The following DSCAM variants were observed in gnomAD, a reference collection of about 807,000 sequenced individuals.
The protein encoded by DSCAM is cell adhesion molecule DSCAM.
DSCAM carries 47 observed loss-of-function variants against 217.7 expected under a neutral mutation model. That is an observed-to-expected ratio of 0.22 (90% CI 0.17 to 0.28). The LOEUF is 0.28. Ranked by LOEUF, DSCAM falls within the 10% of genes least tolerant of loss-of-function variation. DSCAM has a pLI of 1.00. For synonymous variants in DSCAM, 1,056 were observed against 1,015.3 expected (o/e 1.04, Z -0.76); for missense variants, 2,080 against 2,618.3 (o/e 0.79, Z 4.49).
At chr21:40,153,061 A>G (rs1168343322) in intron 16 of DSCAM, among the ~76,000 whole-genome samples, 3 of 152,214 alleles carry the variant, frequency 2.0e-5, no homozygotes, top group Non-Finnish European at 4.4e-5. Flanking sequence ...TCCACTTAAA[A>G]TGTAATCTAT....
intron 1 of DSCAM, among the ~76,000 whole-genome samples, chr21:40,799,769 T>C (rs2091722803): frequency 6.6e-6 from 1 of 152,212 alleles, no homozygotes; most frequent in African/African-American, 2.4e-5. Flanking sequence ...TTAAAGATTC[T>C]TGTGATTACA....
intron 3 of DSCAM, among the ~76,000 whole-genome samples, chr21:40,536,122 A>G (rs966970974): frequency 6.6e-6 from 1 of 152,168 alleles, no homozygotes; most frequent in Non-Finnish European, 1.5e-5. Context: ...CAGCCAGCAA[A>G]TGTGCGAAAA....
intron 16 of DSCAM, among the ~76,000 whole-genome samples, chr21:40,158,849 G>C (rs2090507895): frequency 6.6e-6 from 1 of 152,200 alleles, no homozygotes; most frequent in Admixed American, 6.5e-5. Flanking sequence ...AGAACAGGAA[G>C]AGTTTATTAC....
intron 3 of DSCAM, among the ~76,000 whole-genome samples, chr21:40,610,577 G>C (rs1389362933): frequency 6.6e-6 from 1 of 152,176 alleles, no homozygotes; most frequent in Non-Finnish European, 1.5e-5. Flanking sequence ...CTTCTCCTGT[G>C]TCTGATTCCA....
intron 3 of DSCAM, among the ~76,000 whole-genome samples, chr21:40,533,654 C>T (rs980241601): frequency 1.3e-5 from 2 of 149,320 alleles, no homozygotes; most frequent in Admixed American, 6.7e-5. Context: ...TCCATCCATC[C>T]ATCCATCCAT....
intron 3 of DSCAM, among the ~76,000 whole-genome samples, chr21:40,567,945 G>GTT (rs373343612): frequency 6.7e-6 from 1 of 148,488 alleles, no homozygotes; most frequent in Non-Finnish European, 1.5e-5. Context: ...TTTTTGTTTG[G>GTT]TTTTTTTTTT....
intron 20 of DSCAM, among the ~76,000 whole-genome samples, chr21:40,109,774 T>C (rs421795): frequency 0.44 from 66,524 of 152,102 alleles, 17,001 homozygotes; most frequent in South Asian, 0.61. Flanking sequence ...GATTATATCC[T>C]GTGCCTTGCT....
intron 3 of DSCAM, among the ~76,000 whole-genome samples, chr21:40,676,653 G>A (rs1411571883): frequency 6.6e-6 from 1 of 152,316 alleles, no homozygotes; most frequent in East Asian, 1.9e-4. Flanking sequence ...GGGACACAGT[G>A]TGGGACACAG....
intron 6 of DSCAM, among the ~76,000 whole-genome samples, chr21:40,344,268 G>C (rs1374832779): frequency 1.3e-5 from 2 of 152,162 alleles, no homozygotes; most frequent in African/African-American, 4.8e-5. Flanking sequence ...ACACAATTTT[G>C]CTAAATATTT....
chr21:40,544,309 AG>A (rs2146139253), intron 3 of DSCAM, among the ~76,000 whole-genome samples: 1 of 152,356 alleles, frequency 6.6e-6, no homozygotes, highest in East Asian at 1.9e-4. Context: ...CATGAATAGC[AG>A]CTGTACTAAG....
intron 1 of DSCAM, among the ~76,000 whole-genome samples, chr21:40,755,038 A>G (rs2091262364): frequency 6.6e-6 from 1 of 152,236 alleles, no homozygotes; most frequent in African/African-American, 2.4e-5. Context: ...GCCACAAGAC[A>G]TGGTGTGAAG....
chr21:40,715,752 G>A (rs1289421611), intron 1 of DSCAM, among the ~76,000 whole-genome samples: 2 of 152,210 alleles, frequency 1.3e-5, no homozygotes, highest in Non-Finnish European at 2.9e-5. Flanking sequence ...TGTTAGGAAT[G>A]AGGTAACTGT....
chr21:40,323,970 G>T (rs1395605647), intron 8 of DSCAM, among the ~76,000 whole-genome samples: 2 of 151,850 alleles, frequency 1.3e-5, no homozygotes, highest in African/African-American at 4.8e-5. Context: ...TGGGCATGGT[G>T]GCTCACCCCT....
chr21:40,387,418 T>C (rs897635627), intron 3 of DSCAM, among the ~76,000 whole-genome samples: 2 of 151,996 alleles, frequency 1.3e-5, no homozygotes, highest in Non-Finnish European at 2.9e-5. Context: ...AGCCTAAGCT[T>C]TGTGTAGGGA....
chr21:40,843,255 A>C lies in DSCAM; in HGVS notation c.43+3364T>G, dbSNP rs555659246. Among the ~76,000 whole-genome samples the C allele has an allele frequency of 3.5e-4, 53 of 152,026 alleles. 1 individual carries two copies. The South Asian group carries it at 0.01, about 30-fold the overall frequency. On this transcript the variant is annotated intron_variant, in intron 1 of 32. Transcript: ENST00000400454. ...TCTTCTCTTTAATGAGCACCTTCTT[A>C]CTCCCAGCACCCCACCGTCTCTAAT...
Position 40,563,718 on chromosome 21 carries a change from TTATA to T in DSCAM, c.508+129088_508+129091del, listed in dbSNP as rs920823058. ...GTTATATGTGTGTATATAGTTATGT[TTATA>T]TATGTTTATATGTTTATATATAGTT... On this transcript the variant is annotated intron_variant, in intron 3 of 32. Coordinates refer to ENST00000400454, the MANE Select transcript of DSCAM (RefSeq NM_001389.5). 5.0e-5 allele frequency among the ~76,000 whole-genome samples: 7 copies of T among 140,188 alleles called. No individual in the cohort carries two copies. In the East Asian group the frequency reaches 6.6e-4, roughly 13 times the overall value. 92.0% of individuals were successfully genotyped at this position (140,188 alleles called of 152,430 possible).
In DSCAM at chr21:40,400,445, A is replaced by G. The variant is rs150901335; in HGVS notation, c.509-31200T>C. 4.0e-3 allele frequency among the ~76,000 whole-genome samples: 615 copies of G among 152,344 alleles called. 4 individuals are homozygous for G. Among genetic ancestry groups the G allele is most frequent in the African/African-American group, 0.014 (577 of 41,584 alleles). On this transcript the variant is annotated intron_variant, in intron 3 of 32. Transcript: ENST00000400454. The stretch of plus-strand genomic sequence containing the variant: ...CTTTACAGAGATATGTAGATGGAAA[A>G]TAAAGGAGTGTTTTAATAGTCTTTG...
At chr21:40,309,427 T>G (rs1230121578) in intron 9 of DSCAM, among the ~76,000 whole-genome samples, 1 of 152,144 alleles carries the variant, frequency 6.6e-6, no homozygotes, top group Non-Finnish European at 1.5e-5. Flanking sequence ...GCTTCTAGAG[T>G]GCCACAGTCC....
Position 40,846,635 on chromosome 21 carries a change from G to A in DSCAM, c.27C>T (p.Phe9=), listed in dbSNP as rs757034599. 7.6e-7 allele frequency: 1 copy of A among 1,320,388 alleles called. No individual in the cohort carries two copies. The highest frequency in any genetic ancestry group is 1.9e-5 in the South Asian group (1 of 51,680). The allele number at this position is 1,320,388 out of a possible 1,614,324, so 81.8% of individuals were successfully genotyped here. A position where few individuals can be genotyped will look rare whatever the true frequency, so the allele number is the denominator to read the frequency against. ...AAGGCTCACCATTCGCGAAGCTCTG[G>A]AACAAGGAGAGAGCCAGTATCCACA... is the stretch of plus-strand genomic sequence containing the variant. MWILALSL[F]QSFANVFSED... Residue 9 remains phenylalanine (F), a synonymous_variant, in exon 1 of 33, where the codon TTC becomes TTT. Transcript: ENST00000400454.
Sources: gnomAD v4.1 joint callset for allele counts (sites outside exome capture counted in the v4.1 genomes callset) on GRCh38, gnomAD v4.1.1 for gene constraint, MANE v1.5 for transcripts, NCBI Gene and HGNC (gene_info 2026-07-23, HGNC 2026-07-21) for gene names.